Variants in LBR observed in about 807,000 individuals in gnomAD.
The protein encoded by LBR is lamin B receptor, also known as delta(14)-sterol reductase LBR.
A neutral mutation model predicts 74.3 loss-of-function variants in LBR; 28 were observed. That is an observed-to-expected ratio of 0.38 (90% confidence interval 0.28 to 0.52). The LOEUF is 0.52. LBR is among the 20% of genes least tolerant of loss of function. The pLI, the probability that LBR is intolerant of heterozygous loss-of-function variation, is 0.89. For missense variants in LBR, 717 were observed against 760.3 expected (o/e 0.94, Z 0.67); for synonymous variants, 228 against 269.3 (o/e 0.85, Z 1.50).
intron 11 of LBR, among the ~76,000 whole-genome samples, chr1:225,406,331 ATCT>A (rs2096091473): frequency 1.3e-5 from 2 of 152,176 alleles, no homozygotes; most frequent in African/African-American, 4.8e-5. Flanking sequence ...GGCAAGACAA[ATCT>A]TCTTACTTTA....
rs1272518792 is a variant in LBR, at chr1:225,418,103, G to C, written c.718C>G (p.Leu240Val). 1.9e-6 allele frequency: 3 copies of C among 1,614,170 alleles called. No homozygotes were observed. Among genetic ancestry groups the C allele is most frequent in the East Asian group, 2.2e-5 (1 of 44,882 alleles). The change falls in exon 6 of 14, where the codon CTT (leucine) becomes GTT (valine). Residue 240 changes from leucine (L) to valine (V), a missense_variant. Coordinates refer to ENST00000272163, the MANE Select transcript of LBR (RefSeq NM_002296.4). ...GGCAAAGGAGGAGGGAAATTCAGAA[G>C]ACTGGGATCTTTCTGTTTACACATC... Reference protein sequence around the residue: ...LLMCKQKDPSLLNFPPPLPAL... With the variant: ...LLMCKQKDPSVLNFPPPLPAL...
chr1:225,406,631 ATAAAT>A lies in LBR; in HGVS notation c.1483+28_1483+32del, dbSNP rs546169344. The A allele has an allele frequency of 8.4e-4, 1,327 of 1,583,210 alleles. 3 individuals carry two copies. Among genetic ancestry groups the A allele is most frequent in the Admixed American group, 1.9e-3 (112 of 57,776 alleles). ...TAAAAGCCTCAGTACATAATATTTA[ATAAAT>A]TAAACTGAGACTAAAATTAATACTC... is the stretch of plus-strand genomic sequence containing the variant. On this transcript the variant is annotated intron_variant, in intron 11 of 13. Transcript: ENST00000272163.
intron 7 of LBR, chr1:225,414,364 A>G: frequency 2.9e-6 from 1 of 341,638 alleles, no homozygotes; most frequent in South Asian, 2.3e-5. Context: ...GAAAGGATAA[A>G]AAGTTCAACC....
At chr1:225,410,665 G>A (rs977201834) in intron 9 of LBR, among the ~76,000 whole-genome samples, 3 of 152,192 alleles carry the variant, frequency 2.0e-5, no homozygotes, top group African/African-American at 7.2e-5. Context: ...ACACTGGAAT[G>A]ACCCAAACTG....
Position 225,406,387 on chromosome 1 carries a change from G to A in LBR, c.1483+277C>T, listed in dbSNP as rs1379768615. ...AAAGCAGGCACTCAAGAGAAAAGAC[G>A]TATGGTTACCAAAACGAATTAAAAC... On this transcript the variant is annotated intron_variant, in intron 11 of 13. Coordinates refer to ENST00000272163, the MANE Select transcript of LBR (RefSeq NM_002296.4). Among the ~76,000 whole-genome samples, 8 of 152,104 alleles carry A rather than the reference G, an allele frequency of 5.3e-5. No homozygotes were observed. In the South Asian group the frequency reaches 1.0e-3, roughly 20 times the overall value.
In LBR at chr1:225,418,185, A is replaced by G. The variant is rs2096121089; in HGVS notation, c.641-5T>C. On this transcript the variant is annotated splice_region_variant and splice_polypyrimidine_tract_variant and intron_variant, in intron 5 of 13. Coordinates refer to ENST00000272163, the MANE Select transcript of LBR (RefSeq NM_002296.4). The stretch of plus-strand genomic sequence containing the variant: ...CAAACATGATGAGAAACACACCTGC[A>G]AACAATTCATGAACATTCGAGGCTC... 6.2e-7 allele frequency: 1 copy of G among 1,612,632 alleles called. No homozygotes were observed. The highest frequency in any genetic ancestry group is 8.5e-7 in the Non-Finnish European group (1 of 1,178,948).
Position 225,419,052 on chromosome 1 carries a change from C to T in LBR, c.640+211G>A, listed in dbSNP as rs535126258. ...AAAGTTTTAAACACAGCTACAATGG[C>T]ATCCTTTCTACTCCATAATCCCTCA... On this transcript the variant is annotated intron_variant, in intron 5 of 13. Coordinates refer to ENST00000272163, the MANE Select transcript of LBR (RefSeq NM_002296.4). 9.1e-4 allele frequency among the ~76,000 whole-genome samples: 138 copies of T among 152,328 alleles called. 4 individuals are homozygous for T. The highest frequency in any genetic ancestry group is 4.3e-4 in the Non-Finnish European group (29 of 68,034).
intron 3 of LBR, among the ~76,000 whole-genome samples, chr1:225,420,408 A>G (rs2096125696): frequency 6.6e-6 from 1 of 152,218 alleles, no homozygotes; most frequent in Admixed American, 6.5e-5. Context: ...AGGCAGAGAA[A>G]GTAAAAATTG....
Position 225,402,359 on chromosome 1 carries a change from T to C in LBR, c.*944A>G, listed in dbSNP as rs115448388. 1.1e-3 allele frequency: 170 copies of C among 152,350 alleles called. No individual in the cohort carries two copies. Among genetic ancestry groups the C allele is most frequent in the African/African-American group, 3.9e-3 (162 of 41,590 alleles). 9.4% of individuals were successfully genotyped at this position (152,350 alleles called of 1,614,324 possible). On this transcript the variant is annotated 3_prime_UTR_variant, in exon 14 of 14. Coordinates refer to ENST00000272163, the MANE Select transcript of LBR (RefSeq NM_002296.4). ...CTGTGTAAAAATGTTTAAATATTGA[T>C]GTTACTCCAAAAATATATACTTATT...
chr1:225,406,931 C>A, intron 10 of LBR, 99 bp from the exon 11 acceptor site: 2 of 1,152,066 alleles, frequency 1.7e-6, no homozygotes, highest in South Asian at 2.6e-5. Context: ...GTGCTATGGG[C>A]GGGTCCACAA....
chr1:225,410,976 G>A (rs2096104071), intron 9 of LBR, among the ~76,000 whole-genome samples: 1 of 152,164 alleles, frequency 6.6e-6, no homozygotes, highest in African/African-American at 2.4e-5. Flanking sequence ...ATGAAGGGTG[G>A]AAGGGAACTC....
intron 10 of LBR, 46 bp from the exon 11 acceptor site, chr1:225,406,878 A>G (rs2096093050): frequency 1.3e-6 from 2 of 1,577,140 alleles, no homozygotes; most frequent in South Asian, 1.1e-5. Context: ...TTCTGTGTTT[A>G]AAGTATTCAA....
At chr1:225,427,542 C>T (rs2096142241) in intron 1 of LBR, 1 of 151,998 alleles carries the variant, frequency 6.6e-6, no homozygotes, top group African/African-American at 2.4e-5. Flanking sequence ...CGCGGGGCCG[C>T]CTGCTCATCT....
At chr1:225,416,322 T>G (rs994405814) in intron 6 of LBR, among the ~76,000 whole-genome samples, 1 of 152,156 alleles carries the variant, frequency 6.6e-6, no homozygotes, top group East Asian at 1.9e-4. Flanking sequence ...ACAGGCATGG[T>G]ACCCAATAGA....
In LBR at chr1:225,423,443, C is replaced by G. The variant is rs1039360271; in HGVS notation, c.165+468G>C. On this transcript the variant is annotated intron_variant, in intron 2 of 13. Coordinates refer to ENST00000272163, the MANE Select transcript of LBR (RefSeq NM_002296.4). ...CAGCCTGGCTCCTGCTTAGCCCTCC[C>G]CTACCACCCCCTTCCAGCACTTGGC... 5.9e-5 allele frequency among the ~76,000 whole-genome samples: 9 copies of G among 152,172 alleles called. No individual in the cohort carries two copies. The South Asian group carries it at 1.0e-3, about 18-fold the overall frequency.
At position 225,412,459 on chromosome 1, in the gene LBR, C is replaced by T; in HGVS notation, c.1079G>A (p.Ser360Asn). ...TGCAATTCATCACTGCTCACCAGAGCTGGCAGGCGACAGGTCATTCCGGGG... is the reference window on the plus strand; with the variant it reads ...TGCAATTCATCACTGCTCACCAGAGTTGGCAGGCGACAGGTCATTCCGGGG... ...KAPRNDLSPASSGNAVYDFFI... is the reference protein window; with the variant it reads ...KAPRNDLSPANSGNAVYDFFI... Residue 360 changes from serine to asparagine, a missense_variant, in exon 8 of 14, where the codon AGC becomes AAC. Physicochemically the swap from Ser to Asn is conservative, Grantham distance 46. Coordinates refer to ENST00000272163, the MANE Select transcript of LBR (RefSeq NM_002296.4). The T allele has an allele frequency of 1.2e-6, 2 of 1,613,976 alleles. No individual in the cohort carries two copies. Among genetic ancestry groups the T allele is most frequent in the South Asian group, 2.2e-5 (2 of 91,070 alleles).
chr1:225,419,610 G>T (rs1361232979), intron 4 of LBR, 105 bp downstream of exon 4: 29 of 1,053,782 alleles, frequency 2.8e-5, no homozygotes, highest in Middle Eastern at 2.1e-4. Flanking sequence ...TTTAGAACAG[G>T]TTATAAAATA....
At chr1:225,420,409 G>A (rs1205210400) in intron 3 of LBR, among the ~76,000 whole-genome samples, 1 of 151,552 alleles carries the variant, frequency 6.6e-6, no homozygotes, top group Non-Finnish European at 1.5e-5. Flanking sequence ...GGCAGAGAAA[G>A]TAAAAATTGG....
chr1:225,403,260 A>C lies in LBR; in HGVS notation c.*43T>G. On this transcript the variant is annotated 3_prime_UTR_variant, in exon 14 of 14. Coordinates refer to ENST00000272163, the MANE Select transcript of LBR (RefSeq NM_002296.4). Reference sequence around the variant, plus strand: ...TTTTTTCCTTGTTTTTGCAAATGGCAGCTGGAATTGCAGGAGTATTTTGTA... The same window carrying C: ...TTTTTTCCTTGTTTTTGCAAATGGCCGCTGGAATTGCAGGAGTATTTTGTA... The C allele has an allele frequency of 6.3e-7, 1 of 1,589,858 alleles. No homozygotes were observed.
Sources: allele counts gnomAD v4.1 joint callset (sites outside exome capture counted in the v4.1 genomes callset), GRCh38; gene constraint gnomAD v4.1.1; transcripts MANE v1.5; gene names NCBI Gene and HGNC (gene_info 2026-07-23, HGNC 2026-07-21).